Variants in APBA2 observed in about 807,000 individuals in gnomAD.
APBA2 encodes amyloid beta precursor protein binding family A member 2, also known as amyloid-beta A4 precursor protein-binding family A member 2.
Under a neutral mutation model 75.0 loss-of-function variants are expected in APBA2, and 30 were observed. The ratio of observed to expected loss-of-function variants is 0.40; its 90% confidence interval spans 0.30 to 0.54. The LOEUF (loss-of-function observed/expected upper bound fraction) is 0.54, where lower values mean the gene tolerates loss of function less well. Among genes scored for constraint, APBA2 ranks in the 20% least tolerant of loss-of-function variants. The pLI is 0.49. For synonymous variants in APBA2, 444 were observed against 409.6 expected, an observed-to-expected ratio of 1.08 and a Z score of -1.01; for missense variants, 801 against 1,016.1, an observed-to-expected ratio of 0.79 and a Z score of 2.88.
intron 1 of APBA2, among the ~76,000 whole-genome samples, chr15:28,916,814 C>T (rs1268751365): frequency 1.1e-4 from 16 of 152,186 alleles, no homozygotes; most frequent in African/African-American, 3.9e-4. Context: ...TAACCATTCT[C>T]TTATTTATGG....
chr15:29,110,110 G>A (rs748277419), intron 13 of APBA2, among the ~76,000 whole-genome samples: 10 of 152,252 alleles, frequency 6.6e-5, no homozygotes, highest in East Asian at 1.9e-4. Flanking sequence ...GCTGCTGTGC[G>A]CACTTTGTGG....
At chr15:28,962,290 G>T (rs777083033) in intron 2 of APBA2, among the ~76,000 whole-genome samples, 2 of 151,848 alleles carry the variant, frequency 1.3e-5, no homozygotes, top group African/African-American at 2.4e-5. Context: ...GATGGGTTTC[G>T]GCTGGGCGCG....
chr15:29,086,356 ACT>A (rs2043291057), intron 6 of APBA2, among the ~76,000 whole-genome samples: 1 of 152,056 alleles, frequency 6.6e-6, no homozygotes, highest in Non-Finnish European at 1.5e-5. Flanking sequence ...ATCCACAGAA[ACT>A]CTCAGATAAT....
rs2035193428 is a variant in APBA2, at chr15:28,941,047, C to A, written c.-95+19298C>A. Among the ~76,000 whole-genome samples, 7 of 152,122 alleles carry A rather than the reference C, an allele frequency of 4.6e-5. No homozygotes were observed. In the South Asian group the frequency reaches 1.5e-3, roughly 32 times the overall value. ...AAGTCCATGAGTTTTTTTAACAATA[C>A]TCAGGAAATAAACCTAATCCGTCAC... On this transcript the variant is annotated intron_variant, in intron 2 of 14. Coordinates refer to ENST00000683413, the MANE Select transcript of APBA2 (RefSeq NM_001353788.2).
intron 2 of APBA2, among the ~76,000 whole-genome samples, chr15:28,922,138 C>T (rs1036633224): frequency 2.0e-5 from 3 of 152,178 alleles, no homozygotes; most frequent in African/African-American, 7.2e-5. Flanking sequence ...GGCAGCCTCC[C>T]TTCCCCATGG....
At chr15:28,896,308 C>T (rs537321147) in intron 1 of APBA2, among the ~76,000 whole-genome samples, 9 of 152,314 alleles carry the variant, frequency 5.9e-5, no homozygotes, top group African/African-American at 2.2e-4. Context: ...GAGACAGAGT[C>T]TCATTCTGTC....
intron 2 of APBA2, among the ~76,000 whole-genome samples, chr15:28,984,929 C>G (rs567339304): frequency 6.6e-6 from 1 of 151,736 alleles, no homozygotes; most frequent in African/African-American, 2.4e-5. Context: ...CTCTCTCTCT[C>G]TCTCTCTCCC....
At chr15:28,907,101 G>A (rs1180349450) in intron 1 of APBA2, among the ~76,000 whole-genome samples, 1 of 152,108 alleles carries the variant, frequency 6.6e-6, no homozygotes, top group Non-Finnish European at 1.5e-5. Context: ...TGCATGTTCT[G>A]CTAATACTTG....
chr15:28,891,362 C>T (rs572572515), intron 1 of APBA2, among the ~76,000 whole-genome samples: 1 of 152,258 alleles, frequency 6.6e-6, no homozygotes, highest in Admixed American at 6.5e-5. Flanking sequence ...CATGTTTTCT[C>T]CCTGTCTCCT....
intron 1 of APBA2, among the ~76,000 whole-genome samples, chr15:28,891,304 A>G (rs1209176069): frequency 6.6e-6 from 1 of 152,174 alleles, no homozygotes; most frequent in Non-Finnish European, 1.5e-5. Context: ...CTCTGCTGTG[A>G]CGGGGCAGTG....
At chr15:28,948,752 C>T (rs779285102) in intron 2 of APBA2, among the ~76,000 whole-genome samples, 6 of 152,102 alleles carry the variant, frequency 3.9e-5, no homozygotes, top group Admixed American at 2.0e-4. Flanking sequence ...TAGGGCCTTG[C>T]GGCGGCATCT....
intron 2 of APBA2, among the ~76,000 whole-genome samples, chr15:28,951,110 T>C (rs1477004647): frequency 6.6e-6 from 1 of 152,260 alleles, no homozygotes; most frequent in African/African-American, 2.4e-5. Flanking sequence ...AACAGACTTT[T>C]TGTCTTGTCA....
At chr15:29,103,921 G>A (rs2044265683) in intron 10 of APBA2, among the ~76,000 whole-genome samples, 1 of 152,220 alleles carries the variant, frequency 6.6e-6, no homozygotes, top group Admixed American at 6.5e-5. Flanking sequence ...CAGCCCGGCG[G>A]CGCCATCTGG....
At chr15:28,891,804 C>A (rs553276619) in intron 1 of APBA2, among the ~76,000 whole-genome samples, 5 of 152,054 alleles carry the variant, frequency 3.3e-5, no homozygotes, top group Admixed American at 2.0e-4. Flanking sequence ...TACAGTCATG[C>A]GTCACATGAC....
chr15:28,936,795 C>T (rs1393925425), intron 2 of APBA2, among the ~76,000 whole-genome samples: 2 of 152,142 alleles, frequency 1.3e-5, no homozygotes, highest in Non-Finnish European at 2.9e-5. Context: ...GTTGGAGGCT[C>T]TGGTGAAACT....
Position 28,918,344 on chromosome 15 carries a change from A to G in APBA2, c.-204-3296A>G, listed in dbSNP as rs1265375860. ...CCTGGCCAACTGGCACACAGGGAGAACTCATGAAAGGAGGCGTGGCTCACT... is the reference window on the plus strand; with the variant it reads ...CCTGGCCAACTGGCACACAGGGAGAGCTCATGAAAGGAGGCGTGGCTCACT... On this transcript the variant is annotated intron_variant, in intron 1 of 14. Coordinates refer to ENST00000683413, the MANE Select transcript of APBA2 (RefSeq NM_001353788.2). The surrounding 1 kb of genome is among the most constrained non-coding windows in gnomAD (Gnocchi z 4.2). 6.6e-6 allele frequency among the ~76,000 whole-genome samples: 1 copy of G among 152,044 alleles called. No homozygotes were observed. The highest frequency in any genetic ancestry group is 6.6e-5 in the Admixed American group (1 of 15,264).
intron 1 of APBA2, among the ~76,000 whole-genome samples, chr15:28,907,741 C>A (rs1364269719): frequency 6.6e-6 from 1 of 152,176 alleles, no homozygotes; most frequent in Admixed American, 6.5e-5. Context: ...CCTGGGCTGA[C>A]TCATAAAATG....
At chr15:29,018,444 G>A (rs2039788230) in intron 3 of APBA2, among the ~76,000 whole-genome samples, 1 of 152,198 alleles carries the variant, frequency 6.6e-6, no homozygotes, top group Non-Finnish European at 1.5e-5. Flanking sequence ...TTCAGTGAAT[G>A]AAGTTTCAGG....
intron 3 of APBA2, among the ~76,000 whole-genome samples, chr15:29,003,086 G>A (rs1344291226): frequency 6.6e-6 from 1 of 152,098 alleles, no homozygotes; most frequent in African/African-American, 2.4e-5. Context: ...GGTGGCAGAG[G>A]CCAGCTTGAC....
Sources: gnomAD v4.1 joint callset for allele counts (sites outside exome capture counted in the v4.1 genomes callset) on GRCh38, gnomAD v4.1.1 for gene constraint, Gnocchi (gnomAD v3.1) non-coding constraint, MANE v1.5 for transcripts, NCBI Gene and HGNC (gene_info 2026-07-23, HGNC 2026-07-21) for gene names.